CBX6: variants seen among roughly 807,000 people sequenced by gnomAD.
CBX6 encodes chromobox protein homolog 6.
A neutral mutation model predicts 28.4 loss-of-function variants in CBX6; 7 were observed. That is an observed-to-expected ratio of 0.25 (90% CI 0.14 to 0.46). The LOEUF (loss-of-function observed/expected upper bound fraction) is 0.46. Among genes scored for constraint, CBX6 ranks in the 20% least tolerant of loss-of-function variants. The pLI is 0.99. For synonymous variants in CBX6, 297 were observed against 273.4 expected (o/e 1.09, Z -0.85); for missense variants, 512 against 606.1 (o/e 0.84, Z 1.63).
In CBX6 at chr22:38,870,367, G is replaced by C. The variant is rs1364792059; in HGVS notation, c.246+1113C>G. 1 of 152,248 alleles carries C rather than the reference G, an allele frequency of 6.6e-6. No individual in the cohort carries two copies. Among genetic ancestry groups the C allele is most frequent in the African/African-American group, 2.4e-5 (1 of 41,454 alleles). 9.4% of individuals were successfully genotyped at this position (152,248 alleles called of 1,614,324 possible). A position where few individuals can be genotyped will look rare whatever the true frequency, so the allele number is the denominator to read the frequency against. ...AACTATCAAGAAAAAAAGGCGTTCT[G>C]TGTATCAATGCTCATGGTCATACTC... On this transcript the variant is annotated intron_variant, in intron 4 of 4. Coordinates refer to ENST00000407418, the MANE Select transcript of CBX6 (RefSeq NM_014292.5). The surrounding 1 kb of genome is among the most constrained non-coding windows in gnomAD (Gnocchi z 4.3).
In CBX6 at chr22:38,864,043, G is replaced by C. The variant is rs1181116466; in HGVS notation, c.*2166C>G. The C allele has an allele frequency of 2.0e-5, 3 of 152,164 alleles. No homozygotes were observed. The highest frequency in any genetic ancestry group is 2.9e-5 in the Non-Finnish European group (2 of 68,046). The allele number at this position is 152,164 out of a possible 1,614,324, so 9.4% of individuals were successfully genotyped here. On this transcript the variant is annotated 3_prime_UTR_variant, in exon 5 of 5. Transcript: ENST00000407418. ...GAGCAAGCACGGGTGTGGAGATCTG[G>C]GTCCAGGCCCTCTCCACAGTGCCTG...
At position 38,865,153 on chromosome 22, in the gene CBX6, G is replaced by A. The variant is rs1015447985; in HGVS notation, c.*1056C>T. On this transcript the variant is annotated 3_prime_UTR_variant, in exon 5 of 5. Transcript: ENST00000407418. ...CCCGGAGGAAGAGGGAGCTTGGAATGGGGTCTCCCTCTCTATCTCGGTCCC... is the reference window on the plus strand; with the variant it reads ...CCCGGAGGAAGAGGGAGCTTGGAATAGGGTCTCCCTCTCTATCTCGGTCCC... The A allele has an allele frequency of 1.3e-5, 2 of 152,288 alleles. No individual in the cohort carries two copies. Among genetic ancestry groups the A allele is most frequent in the Non-Finnish European group, 2.9e-5 (2 of 68,094 alleles). The allele number at this position is 152,288 out of a possible 1,614,324, so 9.4% of individuals were successfully genotyped here.
rs1388880849 is a variant in CBX6 at position 38,871,775 on chromosome 22, C to A, written c.114-18G>T. ...TGCTGTACCTGCCGAGTCACAAACG[C>A]ACAAAATCAGGATGAAGACCAGAGA... On this transcript the variant is annotated intron_variant, in intron 2 of 4. Transcript: ENST00000407418. This position sits in a 1 kb window ranked among gnomAD's most constrained non-coding sequence, Gnocchi z 5.6. 1 of 1,605,666 alleles carries A rather than the reference C, an allele frequency of 6.2e-7. No homozygotes were observed.
rs1324009478 is a variant in CBX6, at chr22:38,866,200, G to C, written c.*9C>G. On this transcript the variant is annotated 3_prime_UTR_variant, in exon 5 of 5. Transcript: ENST00000407418. This position sits in a 1 kb window ranked among gnomAD's most constrained non-coding sequence, Gnocchi z 7.5. The stretch of plus-strand genomic sequence containing the variant: ...GCCCCCCCAAGCCCCCCTCCTTGGT[G>C]GAGCCCCCTCACTTGCTCGCCCCAA... 1.3e-6 allele frequency: 2 copies of C among 1,581,798 alleles called. No homozygotes were observed. The highest frequency in any genetic ancestry group is 1.7e-6 in the Non-Finnish European group (2 of 1,159,728).
In CBX6 at chr22:38,871,819, G is replaced by T; in HGVS notation, c.114-62C>A. 2 of 1,585,392 alleles carry T rather than the reference G, an allele frequency of 1.3e-6. No homozygotes were observed. The highest frequency in any genetic ancestry group is 1.7e-6 in the Non-Finnish European group (2 of 1,163,298). The stretch of plus-strand genomic sequence containing the variant: ...CCAGAGAGGGACAGGCACGCGGCGA[G>T]AGCAAGAGCGCGCACCCCCACCCCA... On this transcript the variant is annotated intron_variant, in intron 2 of 4. Transcript: ENST00000407418. The surrounding 1 kb of genome is among the most constrained non-coding windows in gnomAD (Gnocchi z 5.6).
At position 38,866,042 on chromosome 22, in the gene CBX6, G is replaced by T. The variant is rs556655374; in HGVS notation, c.*167C>A. 7 of 627,946 alleles carry T rather than the reference G, an allele frequency of 1.1e-5. No homozygotes were observed. In the African/African-American group the frequency reaches 1.3e-4, roughly 12 times the overall value. The allele number at this position is 627,946 out of a possible 1,614,324, so 38.9% of individuals were successfully genotyped here. A position where few individuals can be genotyped will look rare whatever the true frequency, so the allele number is the denominator to read the frequency against. Reference sequence around the variant, plus strand: ...CCATTCCAGGGTGGCCCCTACCCCCGGCTTTCTGGGACCCCAACTACCCAG... The same window carrying T: ...CCATTCCAGGGTGGCCCCTACCCCCTGCTTTCTGGGACCCCAACTACCCAG... On this transcript the variant is annotated 3_prime_UTR_variant, in exon 5 of 5. Coordinates refer to ENST00000407418, the MANE Select transcript of CBX6 (RefSeq NM_014292.5). The surrounding 1 kb of genome is among the most constrained non-coding windows in gnomAD (Gnocchi z 7.5).
In CBX6 at chr22:38,871,468, G is replaced by A; in HGVS notation, c.246+12C>T. ...CCGAGAGGGGGATGCTGCTGGGGCT[G>A]GGCCAGGTTACCTTCAGGAGGAAAG... On this transcript the variant is annotated intron_variant, in intron 4 of 4. Transcript: ENST00000407418. The surrounding 1 kb of genome is among the most constrained non-coding windows in gnomAD (Gnocchi z 5.6). The A allele has an allele frequency of 6.2e-7, 1 of 1,606,206 alleles. No homozygotes were observed. The highest frequency in any genetic ancestry group is 8.5e-7 in the Non-Finnish European group (1 of 1,176,116).
rs766402499 is a variant in CBX6, at chr22:38,867,037, C to T, written c.411G>A (p.Pro137=). 1.2e-6 allele frequency: 2 copies of T among 1,605,090 alleles called. No homozygotes were observed. The highest frequency in any genetic ancestry group is 1.7e-5 in the Admixed American group (1 of 59,536). Residue 137 remains proline (P), a synonymous_variant, in exon 5 of 5, where the codon CCG becomes CCA. Transcript: ENST00000407418. ...HRMSRRPLPR[P]DPQGGSPGLR... ...GTCCGGGGCTGCCCCCCTGCGGGTC[C>T]GGGCGGGGCAGGGGACGGCGGGACA...
chr22:38,872,177 G>T lies in CBX6; in HGVS notation c.14C>A (p.Ala5Glu). 7.1e-7 allele frequency: 1 copy of T among 1,416,102 alleles called. No individual in the cohort carries two copies. Among genetic ancestry groups the T allele is most frequent in the Admixed American group, 2.3e-5 (1 of 44,002 alleles). 87.7% of individuals were successfully genotyped at this position (1,416,102 alleles called of 1,614,324 possible). A position where few individuals can be genotyped will look rare whatever the true frequency, so the allele number is the denominator to read the frequency against. ...GGCCGCGAAGACCCGCTCGCCCACT[G>T]CAGACAGCTCCATCTTGCTCAGCGG... is the stretch of plus-strand genomic sequence containing the variant. MELSAVGERVFAAES... is the reference protein window; with the variant it reads MELSEVGERVFAAES... Residue 5 changes from alanine to glutamate, a missense_variant, in exon 1 of 5, where the codon GCA becomes GAA. By Grantham distance (107) the Ala-to-Glu change is moderately radical. Transcript: ENST00000407418. This position sits in a 1 kb window ranked among gnomAD's most constrained non-coding sequence, Gnocchi z 5.0.
At position 38,867,244 on chromosome 22, in the gene CBX6, G is replaced by C. The variant is rs531954084; in HGVS notation, c.247-43C>G. 6.4e-4 allele frequency: 968 copies of C among 1,505,892 alleles called. 2 individuals are homozygous for C. Among genetic ancestry groups the C allele is most frequent in the Non-Finnish European group, 8.3e-4 (936 of 1,128,692 alleles). 93.3% of individuals were successfully genotyped at this position (1,505,892 alleles called of 1,614,324 possible). A position where few individuals can be genotyped will look rare whatever the true frequency, so the allele number is the denominator to read the frequency against. On this transcript the variant is annotated intron_variant, in intron 4 of 4. Coordinates refer to ENST00000407418, the MANE Select transcript of CBX6 (RefSeq NM_014292.5). ...GGTGGGTGGGACCTCAGGACTGCCC[G>C]CTGACCTCCCCTGGATGTCCCTACG... is the stretch of plus-strand genomic sequence containing the variant.
intron 4 of CBX6, 75 bp from the exon 5 acceptor site, chr22:38,867,276 A>T: frequency 7.5e-7 from 1 of 1,325,816 alleles, no homozygotes; most frequent in Non-Finnish European, 1.0e-6. Context: ...TACGCCAGCC[A>T]GCCCTAAGTA....
chr22:38,866,678 G>A lies in CBX6; in HGVS notation c.770C>T (p.Pro257Leu), dbSNP rs781163576. Reference protein sequence around the residue: ...PGKAEASAPGPGLLLAAPAAP... With the variant: ...PGKAEASAPGLGLLLAAPAAP... ...GGCGGGGGCGGCCAGAAGTAGCCCA[G>A]GGCCCGGGGCTGAGGCCTCAGCCTT... is the stretch of plus-strand genomic sequence containing the variant. Residue 257 changes from proline (P) to leucine (L), a missense_variant, in exon 5 of 5, where the codon CCT becomes CTT. This residue lies in a region of CBX6 where 290 missense variants were observed against 274.1 expected (regional missense o/e 1.06). Coordinates refer to ENST00000407418, the MANE Select transcript of CBX6 (RefSeq NM_014292.5). This position sits in a 1 kb window ranked among gnomAD's most constrained non-coding sequence, Gnocchi z 7.5. 1.3e-6 allele frequency: 2 copies of A among 1,547,640 alleles called. No individual in the cohort carries two copies. Among genetic ancestry groups the A allele is most frequent in the Non-Finnish European group, 1.7e-6 (2 of 1,150,942 alleles).
chr22:38,868,552 G>A (rs1359829250), intron 4 of CBX6, among the ~76,000 whole-genome samples: 1 of 152,206 alleles, frequency 6.6e-6, no homozygotes, highest in Non-Finnish European at 1.5e-5. Context: ...AGAAGATGGC[G>A]AGGAGTCACA....
In CBX6 at chr22:38,865,558, C is replaced by G. The variant is rs1467084591; in HGVS notation, c.*651G>C. On this transcript the variant is annotated 3_prime_UTR_variant, in exon 5 of 5. Transcript: ENST00000407418. ...TAGATGCGGGGAGGCTGTGGCCAGGCGCACCCTCTGCCAGTTCCTCCCACC... is the reference window on the plus strand; with the variant it reads ...TAGATGCGGGGAGGCTGTGGCCAGGGGCACCCTCTGCCAGTTCCTCCCACC... The G allele has an allele frequency of 6.5e-6, 1 of 152,896 alleles. No homozygotes were observed. The highest frequency in any genetic ancestry group is 1.5e-5 in the Non-Finnish European group (1 of 68,258). The allele number at this position is 152,896 out of a possible 1,614,324, so 9.5% of individuals were successfully genotyped here.
In CBX6 at chr22:38,866,036, ACCCC is replaced by A; in HGVS notation, c.*169_*172del. On this transcript the variant is annotated 3_prime_UTR_variant, in exon 5 of 5. Coordinates refer to ENST00000407418, the MANE Select transcript of CBX6 (RefSeq NM_014292.5). This position sits in a 1 kb window ranked among gnomAD's most constrained non-coding sequence, Gnocchi z 7.5. ...CCTGCCCCATTCCAGGGTGGCCCCTACCCCCGGCTTTCTGGGACCCCAACTACCC... is the reference window on the plus strand; with the variant it reads ...CCTGCCCCATTCCAGGGTGGCCCCTACGGCTTTCTGGGACCCCAACTACCC... The A allele has an allele frequency of 1.6e-6, 1 of 613,722 alleles. No individual in the cohort carries two copies. Among genetic ancestry groups the A allele is most frequent in the South Asian group, 2.0e-5 (1 of 50,006 alleles). The allele number at this position is 613,722 out of a possible 1,614,324, so 38.0% of individuals were successfully genotyped here. A position where few individuals can be genotyped will look rare whatever the true frequency, so the allele number is the denominator to read the frequency against.
intron 4 of CBX6, chr22:38,869,770 C>T (rs2093178167): frequency 6.6e-6 from 1 of 152,174 alleles, no homozygotes; most frequent in Non-Finnish European, 1.5e-5. Flanking sequence ...ATGGCCTCTC[C>T]CCATGTCTGT....
At chr22:38,868,069 T>C (rs1379936379) in intron 4 of CBX6, among the ~76,000 whole-genome samples, 1 of 152,212 alleles carries the variant, frequency 6.6e-6, no homozygotes, top group Non-Finnish European at 1.5e-5. Context: ...ATGAAATCTC[T>C]TTAAAGCCAC....
chr22:38,864,176 T>TC lies in CBX6; in HGVS notation c.*2032dup, dbSNP rs995025411. On this transcript the variant is annotated 3_prime_UTR_variant, in exon 5 of 5. Coordinates refer to ENST00000407418, the MANE Select transcript of CBX6 (RefSeq NM_014292.5). ...CTATTTTTTCTTAAATAGCTCTTTC[T>TC]CCCCCGCCACCCCCCCATAGGAATC... 3.7e-4 allele frequency: 56 copies of TC among 150,348 alleles called. 1 individual carries two copies. Among genetic ancestry groups the TC allele is most frequent in the African/African-American group, 1.1e-3 (44 of 40,874 alleles). 9.3% of individuals were successfully genotyped at this position (150,348 alleles called of 1,614,324 possible). A position where few individuals can be genotyped will look rare whatever the true frequency, so the allele number is the denominator to read the frequency against.
chr22:38,862,082 G>A lies in CBX6; in HGVS notation c.*4127C>T, dbSNP rs1033094282. ...CTTCGCTCCAGCTACCCGGCCTCCC[G>A]CAAGAGGGTTCCCCCATGAGACCGT... On this transcript the variant is annotated 3_prime_UTR_variant, in exon 5 of 5. Transcript: ENST00000407418. 2.6e-5 allele frequency: 4 copies of A among 152,228 alleles called. No homozygotes were observed. Among genetic ancestry groups the A allele is most frequent in the South Asian group, 2.1e-4 (1 of 4,832 alleles). The allele number at this position is 152,228 out of a possible 1,614,324, so 9.4% of individuals were successfully genotyped here.
Sources: gnomAD v4.1 joint callset for allele counts (sites outside exome capture counted in the v4.1 genomes callset) on GRCh38, gnomAD v4.1.1 for gene constraint, gnomAD v4.1.1 regional missense constraint, Gnocchi (gnomAD v3.1) non-coding constraint, MANE v1.5 for transcripts, NCBI Gene and HGNC (gene_info 2026-07-23, HGNC 2026-07-21) for gene names.